NTRK3: variants seen among roughly 807,000 people sequenced by gnomAD.
NTRK3 encodes NT-3 growth factor receptor.
NTRK3 carries 24 observed loss-of-function variants against 91.7 expected under a neutral mutation model. The ratio of observed to expected loss-of-function variants is 0.26; its 90% confidence interval spans 0.19 to 0.37. The LOEUF (loss-of-function observed/expected upper bound fraction) is 0.37. NTRK3 is among the 10% of genes least tolerant of loss of function. NTRK3 has a pLI of 1.00. For missense variants in NTRK3, 880 were observed against 1,068.9 expected (o/e 0.82, Z 2.46); for synonymous variants, 483 against 404.0 (o/e 1.20, Z -2.34).
chr15:88,024,323 AAG>A (rs1375589814), intron 14 of NTRK3, among the ~76,000 whole-genome samples: 3 of 152,180 alleles, frequency 2.0e-5, no homozygotes, highest in Non-Finnish European at 4.4e-5. Flanking sequence ...TTCCTAGGGA[AAG>A]AGAGTGAGGC....
chr15:88,056,236 AAG>A (rs1218186408), intron 13 of NTRK3, among the ~76,000 whole-genome samples: 1 of 147,232 alleles, frequency 6.8e-6, no homozygotes, highest in African/African-American at 2.5e-5. Context: ...GATCATATGG[AAG>A]AGTTAAAGAA....
At chr15:88,213,507 A>ACAGG (rs1433273432) in intron 3 of NTRK3, among the ~76,000 whole-genome samples, 42 of 152,310 alleles carry the variant, frequency 2.8e-4, no homozygotes, top group African/African-American at 1.0e-3. Context: ...AGACAGACAG[A>ACAGG]CAGACAGACA....
chr15:87,885,472 G>A lies in NTRK3; in HGVS notation c.2134-5044C>T, dbSNP rs560579047. Among the ~76,000 whole-genome samples the A allele has an allele frequency of 1.6e-3, 246 of 151,896 alleles. 1 individual carries two copies. The highest frequency in any genetic ancestry group is 2.2e-3 in the Non-Finnish European group (147 of 67,754). ...AGATATACTTGAAATAGAACAATAC[G>A]GGAGAGTTACTCTATCAGATAGCAA... is the stretch of plus-strand genomic sequence containing the variant. On this transcript the variant is annotated intron_variant, in intron 17 of 18. Coordinates refer to ENST00000394480, the Ensembl canonical transcript of NTRK3.
rs144783589 is a variant in NTRK3 at position 88,183,622 on chromosome 15, G to A, written c.324-133C>T. 1.4e-4 allele frequency: 120 copies of A among 854,354 alleles called. No homozygotes were observed. The African/African-American group carries it at 1.8e-3, about 13-fold the overall frequency. The allele number at this position is 854,354 out of a possible 1,614,324, so 52.9% of individuals were successfully genotyped here. ...TGTGGATTATCTACACCTCTTCATT[G>A]CCAGTTATCACAGGTGGCCTGCTGG... On this transcript the variant is annotated intron_variant, in intron 4 of 18. Transcript: ENST00000394480.
intron 13 of NTRK3, among the ~76,000 whole-genome samples, chr15:88,112,031 T>C (rs889130940): frequency 2.2e-4 from 33 of 151,746 alleles, no homozygotes; most frequent in Non-Finnish European, 3.8e-4. Flanking sequence ...CTCAGCCTCC[T>C]GAGTAGCTGG....
intron 14 of NTRK3, among the ~76,000 whole-genome samples, chr15:87,998,479 G>A (rs1425200563): frequency 6.6e-6 from 1 of 152,232 alleles, no homozygotes; most frequent in Non-Finnish European, 1.5e-5. Context: ...TCTATACAGT[G>A]GCTGTTGTAG....
intron 3 of NTRK3, among the ~76,000 whole-genome samples, chr15:88,220,447 G>T (rs1023399894): frequency 1.2e-4 from 19 of 152,166 alleles, no homozygotes; most frequent in African/African-American, 3.9e-4. Context: ...GTACAGATGG[G>T]AGTTCAAATC....
chr15:88,147,337 T>C (rs763490792), exon 6 of NTRK3: 5 of 1,613,168 alleles, frequency 3.1e-6, no homozygotes, highest in Admixed American at 1.7e-5. Flanking sequence ...AAACTTACAA[T>C]TCCCGAAGAC....
At chr15:88,033,853 T>C (rs531792796) in intron 13 of NTRK3, among the ~76,000 whole-genome samples, 3 of 152,274 alleles carry the variant, frequency 2.0e-5, no homozygotes, top group East Asian at 1.9e-4. Flanking sequence ...GTAGCAACAA[T>C]AGGATTTTAA....
At chr15:87,916,242 T>C (rs1259054048) in intron 17 of NTRK3, 3 of 289,756 alleles carry the variant, frequency 1.0e-5, no homozygotes, top group African/African-American at 6.4e-5. Context: ...TAATTACAGC[T>C]AGTAAAGAAG....
At chr15:88,231,099 C>T (rs963819175) in intron 3 of NTRK3, among the ~76,000 whole-genome samples, 6 of 152,170 alleles carry the variant, frequency 3.9e-5, no homozygotes, top group African/African-American at 1.4e-4. Context: ...CTATTCATCT[C>T]TCATAACCAC....
At chr15:87,916,796 C>T (rs541956286) in intron 17 of NTRK3, among the ~76,000 whole-genome samples, 3 of 151,574 alleles carry the variant, frequency 2.0e-5, no homozygotes, top group African/African-American at 7.3e-5. Flanking sequence ...GAGTCTCACT[C>T]TATCACTCAG....
At chr15:87,896,636 T>C (rs1005938733) in intron 17 of NTRK3, among the ~76,000 whole-genome samples, 1 of 152,124 alleles carries the variant, frequency 6.6e-6, no homozygotes, top group African/African-American at 2.4e-5. Context: ...CCCCAGTTTG[T>C]GTGGGTGCAT....
chr15:88,042,506 C>T (rs2079738932), intron 13 of NTRK3, among the ~76,000 whole-genome samples: 1 of 152,146 alleles, frequency 6.6e-6, no homozygotes, highest in South Asian at 2.1e-4. Flanking sequence ...CAAGGCCTGC[C>T]CTCCGCACTT....
At chr15:88,085,517 T>C (rs1265685144) in intron 13 of NTRK3, among the ~76,000 whole-genome samples, 1 of 152,166 alleles carries the variant, frequency 6.6e-6, no homozygotes, top group African/African-American at 2.4e-5. Context: ...ACCAGCACCT[T>C]ACCGACTGCC....
chr15:87,901,028 G>A (rs2066427073), intron 17 of NTRK3, among the ~76,000 whole-genome samples: 1 of 152,256 alleles, frequency 6.6e-6, no homozygotes, highest in Middle Eastern at 3.4e-3. Flanking sequence ...CTGGGTCCTG[G>A]GGTGCCTCTT....
intron 17 of NTRK3, among the ~76,000 whole-genome samples, chr15:87,906,449 G>C (rs2066772412): frequency 6.6e-6 from 1 of 152,154 alleles, no homozygotes; most frequent in Non-Finnish European, 1.5e-5. Context: ...CCACAGCCAT[G>C]TTCACTTTCT....
intron 13 of NTRK3, among the ~76,000 whole-genome samples, chr15:88,056,745 C>CA: frequency 6.6e-6 from 1 of 152,374 alleles, no homozygotes; most frequent in Non-Finnish European, 1.5e-5. Context: ...TTCTCAGTAT[C>CA]TCCCCATTGG....
intron 13 of NTRK3, among the ~76,000 whole-genome samples, chr15:88,090,116 C>G (rs966120831): frequency 2.6e-5 from 4 of 152,130 alleles, no homozygotes; most frequent in African/African-American, 9.7e-5. Flanking sequence ...TGCACTCATT[C>G]AAGTAGATTT....
Sources: gnomAD v4.1 joint callset for allele counts (sites outside exome capture counted in the v4.1 genomes callset) on GRCh38, gnomAD v4.1.1 for gene constraint, MANE v1.5 for transcripts, NCBI Gene and HGNC (gene_info 2026-07-23, HGNC 2026-07-21) for gene names.